DGAT1: variants seen among roughly 807,000 people sequenced by gnomAD.
DGAT1 encodes the protein ACAT related gene product 1.
DGAT1 carries 60 observed loss-of-function variants against 72.6 expected under a neutral mutation model. The observed-to-expected ratio is 0.83, with a 90% CI of 0.67 to 1.02. DGAT1 has a LOEUF of 1.02. Ranked by LOEUF, DGAT1 falls within the 50% of genes least tolerant of loss-of-function variation. The probability of loss-of-function intolerance (pLI) is 0.00; values close to 1 mark genes in which losing one functional copy is unlikely to be tolerated. For synonymous variants in DGAT1, 290 were observed against 267.5 expected, an observed-to-expected ratio of 1.08 and a Z score of -0.82; for missense variants, 592 against 670.0, an observed-to-expected ratio of 0.88 and a Z score of 1.29.
Position 144,317,764 on chromosome 8 carries a change from C to T in DGAT1, c.894+20G>A. ...CCCAGCCATGCCCAGCTACACCCAA[C>T]CCTGCCCTACCCCACTTACCTGCTG... On this transcript the variant is annotated intron_variant, in intron 10 of 16. Coordinates refer to ENST00000528718, the MANE Select transcript of DGAT1 (RefSeq NM_012079.6). 1 of 1,613,378 alleles carries T rather than the reference C, an allele frequency of 6.2e-7. No homozygotes were observed. The highest frequency in any genetic ancestry group is 2.2e-5 in the East Asian group (1 of 44,878).
intron 2 of DGAT1, among the ~76,000 whole-genome samples, chr8:144,319,453 C>T (rs144603915): frequency 0.015 from 2,266 of 152,346 alleles, 44 homozygotes; most frequent in African/African-American, 0.047. Flanking sequence ...GCCAACCACA[C>T]CCCAGAGACA....
In DGAT1 at chr8:144,315,815, C is replaced by T; in HGVS notation, c.*739G>A. ...GTTCCAAGTGAAGGAAAGAGGCTGC[C>T]AAACCGAGCCCTGCCCCAAGGCGAA... On this transcript the variant is annotated 3_prime_UTR_variant, in exon 17 of 17. Coordinates refer to ENST00000528718, the MANE Select transcript of DGAT1 (RefSeq NM_012079.6). 1.0e-6 allele frequency: 1 copy of T among 982,272 alleles called. No individual in the cohort carries two copies. The highest frequency in any genetic ancestry group is 1.2e-6 in the Non-Finnish European group (1 of 827,016). The allele number at this position is 982,272 out of a possible 1,614,324, so 60.8% of individuals were successfully genotyped here.
chr8:144,316,453 G>T lies in DGAT1; in HGVS notation c.*101C>A. The T allele has an allele frequency of 7.1e-7, 1 of 1,403,458 alleles. No homozygotes were observed. Among genetic ancestry groups the T allele is most frequent in the East Asian group, 2.5e-5 (1 of 39,958 alleles). The allele number at this position is 1,403,458 out of a possible 1,614,324, so 86.9% of individuals were successfully genotyped here. A position where few individuals can be genotyped will look rare whatever the true frequency, so the allele number is the denominator to read the frequency against. On this transcript the variant is annotated 3_prime_UTR_variant, in exon 17 of 17. Coordinates refer to ENST00000528718, the MANE Select transcript of DGAT1 (RefSeq NM_012079.6). ...CTCCCTGGGACCAGAGGAGGATGCTGTGCAGCCAGGCCCATCCCCAGCACT... is the reference window on the plus strand; with the variant it reads ...CTCCCTGGGACCAGAGGAGGATGCTTTGCAGCCAGGCCCATCCCCAGCACT...
intron 1 of DGAT1, among the ~76,000 whole-genome samples, chr8:144,325,308 G>A (rs1446333788): frequency 6.6e-6 from 1 of 152,092 alleles, no homozygotes; most frequent in Non-Finnish European, 1.5e-5. Flanking sequence ...CTTTGTCCAT[G>A]TTGCTCCATG....
At chr8:144,320,136 C>T (rs1817405893) in intron 2 of DGAT1, among the ~76,000 whole-genome samples, 1 of 152,246 alleles carries the variant, frequency 6.6e-6, no homozygotes, top group Non-Finnish European at 1.5e-5. Flanking sequence ...CACCTCCAGG[C>T]CCAGGCCACA....
In DGAT1 at chr8:144,326,417, G is replaced by T; in HGVS notation, c.200+20C>A. On this transcript the variant is annotated intron_variant, in intron 1 of 16. Coordinates refer to ENST00000528718, the MANE Select transcript of DGAT1 (RefSeq NM_012079.6). The stretch of plus-strand genomic sequence containing the variant: ...GCGGGGCCCTTGGGTCAGAGGTTAG[G>T]GGGTCAGGCGCTCCGCTACCTCAGC... 1 of 1,387,468 alleles carries T rather than the reference G, an allele frequency of 7.2e-7. No individual in the cohort carries two copies. The allele number at this position is 1,387,468 out of a possible 1,614,324, so 85.9% of individuals were successfully genotyped here.
chr8:144,320,437 A>G (rs572738063), intron 2 of DGAT1, among the ~76,000 whole-genome samples: 1 of 152,300 alleles, frequency 6.6e-6, no homozygotes, highest in East Asian at 1.9e-4. Flanking sequence ...GGAACCTTCT[A>G]GGACCATGGG....
Position 144,318,845 on chromosome 8 carries a change from G to A in DGAT1, c.405C>T (p.Cys135=). The A allele has an allele frequency of 6.2e-7, 1 of 1,612,236 alleles. No homozygotes were observed. The highest frequency in any genetic ancestry group is 8.5e-7 in the Non-Finnish European group (1 of 1,179,210). Residue 135 remains cysteine, a synonymous_variant, in exon 4 of 17, where the codon TGC becomes TGT. Transcript: ENST00000528718. Reference sequence around the variant, plus strand: ...CAGAGCCCAGCTCACCAATAACCAGGCATGGGGCGGGCCAGCTATAGGGAT... The same window carrying A: ...CAGAGCCCAGCTCACCAATAACCAGACATGGGGCGGGCCAGCTATAGGGAT... ...LKDPYSWPAP[C]LVIAANVFAV...
chr8:144,315,155 T>G lies in DGAT1; in HGVS notation c.*1399A>C. 1.0e-6 allele frequency: 1 copy of G among 985,422 alleles called. No homozygotes were observed. The highest frequency in any genetic ancestry group is 1.2e-6 in the Non-Finnish European group (1 of 829,944). 61.0% of individuals were successfully genotyped at this position (985,422 alleles called of 1,614,324 possible). Reference sequence around the variant, plus strand: ...GGGCAGTGGAGCAGGCTTTGCTGCTTTATCTGGCAGCAACAGTTTGTTCTC... The same window carrying G: ...GGGCAGTGGAGCAGGCTTTGCTGCTGTATCTGGCAGCAACAGTTTGTTCTC... On this transcript the variant is annotated 3_prime_UTR_variant, in exon 17 of 17. Coordinates refer to ENST00000528718, the MANE Select transcript of DGAT1 (RefSeq NM_012079.6).
Position 144,317,686 on chromosome 8 carries a change from G to A in DGAT1, c.921C>T (p.Ser307=), listed in dbSNP as rs143035506. Residue 307 remains serine, a synonymous_variant, in exon 11 of 17, where the codon TCC becomes TCT. Coordinates refer to ENST00000528718, the MANE Select transcript of DGAT1 (RefSeq NM_012079.6). ...AGCCACTCACCTTGAAGGGCTTCAT[G>A]GAGTTCTGGATGGTGGGGACCATCC... is the stretch of plus-strand genomic sequence containing the variant. ...QQWMVPTIQN[S]MKPFKDMDYS... The A allele has an allele frequency of 1.5e-4, 240 of 1,613,646 alleles. No homozygotes were observed. The highest frequency in any genetic ancestry group is 1.5e-4 in the Non-Finnish European group (175 of 1,180,018).
At position 144,318,853 on chromosome 8, in the gene DGAT1, C is replaced by T. The variant is rs782259035; in HGVS notation, c.397G>A (p.Ala133Thr). The change falls in exon 4 of 17, where the codon GCC becomes ACC. Residue 133 changes from alanine to threonine, a missense_variant. Transcript: ENST00000528718. The part of the protein sequence containing the change: ...LFLKDPYSWP[A>T]PCLVIAANVF... Reference sequence around the variant, plus strand: ...AGCTCACCAATAACCAGGCATGGGGCGGGCCAGCTATAGGGATCCTTCAGG... The same window carrying T: ...AGCTCACCAATAACCAGGCATGGGGTGGGCCAGCTATAGGGATCCTTCAGG... The T allele has an allele frequency of 5.1e-5, 82 of 1,611,944 alleles. 1 individual carries two copies. The Admixed American group carries it at 7.7e-4, about 15-fold the overall frequency.
intron 2 of DGAT1, among the ~76,000 whole-genome samples, chr8:144,320,222 G>A (rs1817408720): frequency 6.6e-6 from 1 of 152,244 alleles, no homozygotes; most frequent in Non-Finnish European, 1.5e-5. Context: ...GCAGGGAAAA[G>A]GCTTCAGGGC....
Position 144,326,028 on chromosome 8 carries a change from C to T in DGAT1, c.200+409G>A, listed in dbSNP as rs1186530425. Reference sequence around the variant, plus strand: ...GCCCTCCTCTGGGAGCCTTTCCTACCCGCAAGGCACCGCTCATAGCACCAA... The same window carrying T: ...GCCCTCCTCTGGGAGCCTTTCCTACTCGCAAGGCACCGCTCATAGCACCAA... On this transcript the variant is annotated intron_variant, in intron 1 of 16. Coordinates refer to ENST00000528718, the MANE Select transcript of DGAT1 (RefSeq NM_012079.6). Among the ~76,000 whole-genome samples, 4 of 152,276 alleles carry T rather than the reference C, an allele frequency of 2.6e-5. No homozygotes were observed. The East Asian group carries it at 7.8e-4, about 30-fold the overall frequency.
chr8:144,316,669 T>C lies in DGAT1; in HGVS notation c.1352A>G (p.Asn451Ser). 6.2e-7 allele frequency: 1 copy of C among 1,612,200 alleles called. No homozygotes were observed. The highest frequency in any genetic ancestry group is 1.1e-5 in the South Asian group (1 of 90,834). The part of the protein sequence containing the change: ...AWFVGRFFQG[N>S]YGNAAVWLSL... ...CAGCCACACAGCTGCGTTGCCATAGTTGCCCTGGAAAAAGCGGCCCACGAA... is the reference window on the plus strand; with the variant it reads ...CAGCCACACAGCTGCGTTGCCATAGCTGCCCTGGAAAAAGCGGCCCACGAA... The change falls in exon 17 of 17, where the codon AAC becomes AGC. Residue 451 changes from asparagine (N) to serine (S), a missense_variant. Coordinates refer to ENST00000528718, the MANE Select transcript of DGAT1 (RefSeq NM_012079.6).
At position 144,318,347 on chromosome 8, in the gene DGAT1, G is replaced by A. The variant is rs1221343847; in HGVS notation, c.590C>T (p.Ala197Val). Residue 197 changes from alanine (A) to valine (V), a missense_variant, in exon 7 of 17, where the codon GCG becomes GTG. Coordinates refer to ENST00000528718, the MANE Select transcript of DGAT1 (RefSeq NM_012079.6). ...ESITPVGSLLALMAHTILFLK... is the reference protein window; with the variant it reads ...ESITPVGSLLVLMAHTILFLK... Reference sequence around the variant, plus strand: ...GAAGAGGATGGTGTGCGCCATCAGCGCCAGCAGGGAGCCCACTGCAGGAGA... The same window carrying A: ...GAAGAGGATGGTGTGCGCCATCAGCACCAGCAGGGAGCCCACTGCAGGAGA... 8.7e-6 allele frequency: 14 copies of A among 1,611,546 alleles called. No individual in the cohort carries two copies. Among genetic ancestry groups the A allele is most frequent in the Admixed American group, 3.3e-5 (2 of 59,900 alleles).
Position 144,318,022 on chromosome 8 carries a change from A to C in DGAT1, c.752-5T>G. On this transcript the variant is annotated splice_region_variant and splice_polypyrimidine_tract_variant and intron_variant, in intron 8 of 16. Transcript: ENST00000528718. Reference sequence around the variant, plus strand: ...CGAAGAGGAAGTAGTAGAGATCTGGAATGGGAATGGGGGGTTGGTACCAGA... The same window carrying C: ...CGAAGAGGAAGTAGTAGAGATCTGGCATGGGAATGGGGGGTTGGTACCAGA... The C allele has an allele frequency of 1.3e-6, 2 of 1,517,236 alleles. No individual in the cohort carries two copies. The highest frequency in any genetic ancestry group is 1.3e-5 in the South Asian group (1 of 75,196). The allele number at this position is 1,517,236 out of a possible 1,614,324, so 94.0% of individuals were successfully genotyped here. A position where few individuals can be genotyped will look rare whatever the true frequency, so the allele number is the denominator to read the frequency against.
intron 1 of DGAT1, among the ~76,000 whole-genome samples, chr8:144,325,789 ACT>A (rs1817580614): frequency 6.6e-6 from 1 of 151,828 alleles, no homozygotes; most frequent in African/African-American, 2.4e-5. Flanking sequence ...ACAGAACCCA[ACT>A]CTCTGTCCCT....
At position 144,315,841 on chromosome 8, in the gene DGAT1, T is replaced by G; in HGVS notation, c.*713A>C. On this transcript the variant is annotated 3_prime_UTR_variant, in exon 17 of 17. Coordinates refer to ENST00000528718, the MANE Select transcript of DGAT1 (RefSeq NM_012079.6). ...AAACCGAGCCCTGCCCCAAGGCGAATAGCCATGGACATAGCCATTGTGTAC... is the reference window on the plus strand; with the variant it reads ...AAACCGAGCCCTGCCCCAAGGCGAAGAGCCATGGACATAGCCATTGTGTAC... 1.0e-6 allele frequency: 1 copy of G among 985,346 alleles called. No individual in the cohort carries two copies. The highest frequency in any genetic ancestry group is 1.2e-6 in the Non-Finnish European group (1 of 829,820). 61.0% of individuals were successfully genotyped at this position (985,346 alleles called of 1,614,324 possible). A position where few individuals can be genotyped will look rare whatever the true frequency, so the allele number is the denominator to read the frequency against.
rs1188595138 is a variant in DGAT1, at chr8:144,326,417, G to A, written c.200+20C>T. Reference sequence around the variant, plus strand: ...GCGGGGCCCTTGGGTCAGAGGTTAGGGGGTCAGGCGCTCCGCTACCTCAGC... The same window carrying A: ...GCGGGGCCCTTGGGTCAGAGGTTAGAGGGTCAGGCGCTCCGCTACCTCAGC... On this transcript the variant is annotated intron_variant, in intron 1 of 16. Transcript: ENST00000528718. 13 of 1,387,350 alleles carry A rather than the reference G, an allele frequency of 9.4e-6. No individual in the cohort carries two copies. The highest frequency in any genetic ancestry group is 2.5e-4 in the Middle Eastern group (1 of 3,950). The allele number at this position is 1,387,350 out of a possible 1,614,324, so 85.9% of individuals were successfully genotyped here.
Sources: allele counts gnomAD v4.1 joint callset (sites outside exome capture counted in the v4.1 genomes callset), GRCh38; gene constraint gnomAD v4.1.1; transcripts MANE v1.5; gene names NCBI Gene and HGNC (gene_info 2026-07-23, HGNC 2026-07-21).